CSMD1: variants seen among roughly 807,000 people sequenced by gnomAD.
The protein encoded by CSMD1 is CUB and Sushi multiple domains 1.
CSMD1 carries 213 observed loss-of-function variants against 417.5 expected under a neutral mutation model. The ratio of observed to expected loss-of-function variants is 0.51; its 90% confidence interval spans 0.46 to 0.57. The LOEUF is 0.57. Ranked by LOEUF, CSMD1 falls within the 20% of genes least tolerant of loss-of-function variation. The probability of loss-of-function intolerance (pLI) is 0.00; values close to 1 mark genes in which losing one functional copy is unlikely to be tolerated. For missense variants in CSMD1, 6,923 were observed against 4,529.7 expected (o/e 1.53, Z -15.17); for synonymous variants, 2,862 against 1,736.8 (o/e 1.65, Z -16.11).
intron 23 of CSMD1, among the ~76,000 whole-genome samples, chr8:3,334,754 C>A (rs1048717843): frequency 6.6e-6 from 1 of 152,344 alleles, no homozygotes; most frequent in Non-Finnish European, 1.5e-5. Context: ...TTTTATTTCA[C>A]ATTGAATTTG....
chr8:3,179,085 C>A (rs1003865034), intron 37 of CSMD1, among the ~76,000 whole-genome samples: 1 of 150,708 alleles, frequency 6.6e-6, no homozygotes, highest in African/African-American at 2.5e-5. Context: ...GCAGCTGGGA[C>A]TACAGGCCCG....
intron 3 of CSMD1, among the ~76,000 whole-genome samples, chr8:4,285,677 A>G (rs879632925): frequency 2.0e-5 from 3 of 152,184 alleles, no homozygotes; most frequent in Non-Finnish European, 2.9e-5. Flanking sequence ...GCAGTGGTGT[A>G]GGAAGAATGG....
intron 2 of CSMD1, among the ~76,000 whole-genome samples, chr8:4,429,101 T>C (rs1487539151): frequency 6.6e-6 from 1 of 151,846 alleles, no homozygotes; most frequent in Non-Finnish European, 1.5e-5. Flanking sequence ...CATAAAATGA[T>C]TACTACTGGT....
At chr8:4,104,515 C>T (rs890804903) in intron 3 of CSMD1, among the ~76,000 whole-genome samples, 4 of 152,222 alleles carry the variant, frequency 2.6e-5, no homozygotes, top group Admixed American at 2.0e-4. Context: ...ATTGAGGCCC[C>T]ACCCTCCCAC....
rs539749832 is a variant in CSMD1, at chr8:4,350,962, T to A, written c.415+68991A>T. Reference sequence around the variant, plus strand: ...ATACTTGCTTTCTGCAAGTCATCGTTTAAAGCTTCTTTTAATAATTTTGCC... The same window carrying A: ...ATACTTGCTTTCTGCAAGTCATCGTATAAAGCTTCTTTTAATAATTTTGCC... On this transcript the variant is annotated intron_variant, in intron 3 of 69. Coordinates refer to ENST00000635120, the MANE Select transcript of CSMD1 (RefSeq NM_033225.6). 2.6e-5 allele frequency among the ~76,000 whole-genome samples: 4 copies of A among 152,280 alleles called. No homozygotes were observed. In the South Asian group the frequency reaches 8.3e-4, roughly 32 times the overall value.
intron 1 of CSMD1, among the ~76,000 whole-genome samples, chr8:4,992,468 G>C (rs1811522801): frequency 6.6e-6 from 1 of 152,218 alleles, no homozygotes; most frequent in South Asian, 2.1e-4. Context: ...GCCCAGTTAG[G>C]CTTGGAGTGC....
intron 1 of CSMD1, among the ~76,000 whole-genome samples, chr8:4,932,421 C>G (rs28526129): frequency 6.6e-6 from 1 of 151,732 alleles, no homozygotes; most frequent in South Asian, 2.1e-4. Flanking sequence ...GGTGAAGACA[C>G]GAAGACTTCC....
intron 1 of CSMD1, among the ~76,000 whole-genome samples, chr8:4,701,289 C>G (rs968376840): frequency 6.7e-6 from 1 of 149,458 alleles, no homozygotes. Flanking sequence ...ACTTCGAAGG[C>G]TGCTTTTGAG....
At chr8:4,168,675 T>TA (rs1157542890) in intron 3 of CSMD1, among the ~76,000 whole-genome samples, 4 of 152,138 alleles carry the variant, frequency 2.6e-5, no homozygotes, top group Non-Finnish European at 5.9e-5. Context: ...TCACATTTTT[T>TA]AAAAAATGCT....
At chr8:3,997,710 C>A (rs773738078) in intron 5 of CSMD1, among the ~76,000 whole-genome samples, 193 bp downstream of exon 5, 10 of 152,096 alleles carry the variant, frequency 6.6e-5, no homozygotes, top group Non-Finnish European at 1.2e-4. Flanking sequence ...AACACCAGCA[C>A]AAAGACATCT....
At chr8:3,900,603 G>C (rs923714285) in intron 5 of CSMD1, among the ~76,000 whole-genome samples, 3 of 152,070 alleles carry the variant, frequency 2.0e-5, no homozygotes, top group South Asian at 2.1e-4. Context: ...GGGTGACAGT[G>C]TAGCTGGGTG....
intron 1 of CSMD1, among the ~76,000 whole-genome samples, chr8:4,828,309 C>G (rs1413841304): frequency 6.6e-6 from 1 of 152,152 alleles, no homozygotes; most frequent in Non-Finnish European, 1.5e-5. Flanking sequence ...AACAAATGTG[C>G]TGACTTTTCT....
At chr8:3,588,960 C>G (rs1305798706) in intron 8 of CSMD1, among the ~76,000 whole-genome samples, 6 of 151,974 alleles carry the variant, frequency 3.9e-5, no homozygotes, top group African/African-American at 1.4e-4. Flanking sequence ...TAAAAACGAC[C>G]AACAGGTATA....
rs558965759 is a variant in CSMD1, at chr8:3,494,671, G to C, written c.1345-945C>G. ...ATGGGTGGATGGAAAAATGACAGACGATACACAGATACATGAATATATAAA... is the reference window on the plus strand; with the variant it reads ...ATGGGTGGATGGAAAAATGACAGACCATACACAGATACATGAATATATAAA... On this transcript the variant is annotated intron_variant, in intron 10 of 69. Coordinates refer to ENST00000635120, the MANE Select transcript of CSMD1 (RefSeq NM_033225.6). 1.4e-4 allele frequency among the ~76,000 whole-genome samples: 18 copies of C among 132,494 alleles called. 1 individual carries two copies. Among genetic ancestry groups the C allele is most frequent in the African/African-American group, 3.6e-4 (13 of 36,382 alleles). 86.9% of individuals were successfully genotyped at this position (132,494 alleles called of 152,430 possible).
chr8:4,168,082 T>C (rs545549294), intron 3 of CSMD1, among the ~76,000 whole-genome samples: 1 of 151,256 alleles, frequency 6.6e-6, no homozygotes, highest in Admixed American at 6.6e-5. Context: ...GGAGCTGAAA[T>C]CGCACCACTG....
chr8:3,645,348 C>T (rs972643058), intron 7 of CSMD1, among the ~76,000 whole-genome samples: 1 of 152,216 alleles, frequency 6.6e-6, no homozygotes, highest in Non-Finnish European at 1.5e-5. Flanking sequence ...AAAGACCTAT[C>T]CTAATTGAGA....
chr8:4,114,930 C>A (rs998659070), intron 3 of CSMD1, among the ~76,000 whole-genome samples: 3 of 152,098 alleles, frequency 2.0e-5, no homozygotes, highest in Non-Finnish European at 4.4e-5. Flanking sequence ...TGCTGAGATA[C>A]AATCTACTCC....
chr8:3,596,669 G>A (rs531507602), intron 8 of CSMD1, among the ~76,000 whole-genome samples: 5 of 152,192 alleles, frequency 3.3e-5, no homozygotes, highest in African/African-American at 1.2e-4. Context: ...CTGGTTGTTT[G>A]TAATTGACCA....
At chr8:3,127,686 C>T (rs191154561) in intron 41 of CSMD1, 2 of 152,240 alleles carry the variant, frequency 1.3e-5, no homozygotes, top group East Asian at 1.9e-4. Flanking sequence ...AACAGTGGAA[C>T]TTTGAAAATA....
Sources: gnomAD v4.1 joint callset for allele counts (sites outside exome capture counted in the v4.1 genomes callset) on GRCh38, gnomAD v4.1.1 for gene constraint, MANE v1.5 for transcripts, NCBI Gene and HGNC (gene_info 2026-07-23, HGNC 2026-07-21) for gene names.